JUP: variants seen among roughly 807,000 people sequenced by gnomAD.
JUP encodes junction plakoglobin.
A neutral mutation model predicts 71.1 loss-of-function variants in JUP; 28 were observed. That is an observed-to-expected ratio of 0.39 (90% CI 0.29 to 0.54). The LOEUF is 0.54. JUP is among the 20% of genes least tolerant of loss of function. The pLI, the probability that JUP is intolerant of heterozygous loss-of-function variation, is 0.62. For missense variants in JUP, 869 were observed against 1,030.1 expected (o/e 0.84, Z 2.14); for synonymous variants, 401 against 438.9 (o/e 0.91, Z 1.08).
chr17:41,760,868 A>G (rs1914700437), intron 8 of JUP, among the ~76,000 whole-genome samples: 1 of 152,184 alleles, frequency 6.6e-6, no homozygotes, highest in South Asian at 2.1e-4. Context: ...GCCTGTCTGT[A>G]CTATTAAATT....
At chr17:41,784,385 C>T (rs35569264) in intron 1 of JUP, among the ~76,000 whole-genome samples, 6,278 of 152,118 alleles carry the variant, frequency 0.041, 238 homozygotes, top group East Asian at 0.19. Flanking sequence ...CTAACTGGGT[C>T]CTACCTTCTC....
chr17:41,778,597 C>T (rs1377089926), intron 1 of JUP, among the ~76,000 whole-genome samples: 3 of 151,244 alleles, frequency 2.0e-5, no homozygotes, highest in African/African-American at 7.3e-5. Context: ...GGGATGAGCT[C>T]ATCAAGATCA....
At chr17:41,773,527 G>A (rs1288623374) in intron 1 of JUP, among the ~76,000 whole-genome samples, 1 of 152,188 alleles carries the variant, frequency 6.6e-6, no homozygotes, top group East Asian at 1.9e-4. Context: ...GACAGGCTCG[G>A]GCCGCCAGAT....
At chr17:41,764,541 A>G (rs1293670678) in intron 7 of JUP, among the ~76,000 whole-genome samples, 172 bp downstream of exon 7, 9 of 149,462 alleles carry the variant, frequency 6.0e-5, no homozygotes, top group South Asian at 2.1e-4. Context: ...TCAGAAAAAA[A>G]AAAAAAAAAA....
chr17:41,776,091 G>T, intron 1 of JUP: 2 of 577,786 alleles, frequency 3.5e-6, no homozygotes, highest in Non-Finnish European at 4.4e-6. Flanking sequence ...GGACAGGAGT[G>T]GGTTACCCCA....
intron 1 of JUP, among the ~76,000 whole-genome samples, chr17:41,777,196 TG>T (rs2046926481): frequency 6.6e-6 from 1 of 151,426 alleles, no homozygotes; most frequent in South Asian, 2.1e-4. Context: ...AGAAGGGGAG[TG>T]GAACTTCGCT....
intron 1 of JUP, among the ~76,000 whole-genome samples, chr17:41,775,738 C>G (rs1392794623): frequency 1.3e-5 from 2 of 152,196 alleles, no homozygotes; most frequent in Non-Finnish European, 2.9e-5. Context: ...AGGGACAGCC[C>G]AAGGACAGGA....
rs561653700 is a variant in JUP, at chr17:41,768,960, G to C, written c.707+9C>G. The C allele has an allele frequency of 3.8e-6, 6 of 1,595,524 alleles. No individual in the cohort carries two copies. The East Asian group carries it at 9.0e-5, about 24-fold the overall frequency. On this transcript the variant is annotated intron_variant, in intron 4 of 13. Coordinates refer to ENST00000393931, the MANE Select transcript of JUP (RefSeq NM_002230.4). ...GTCCTGGGCTCATGCAGTGAGCAGG[G>C]TTGGGTACCTGAGCATGCGGACCAG...
At chr17:41,780,838 A>G (rs1362459965) in intron 1 of JUP, among the ~76,000 whole-genome samples, 1 of 152,096 alleles carries the variant, frequency 6.6e-6, no homozygotes, top group Non-Finnish European at 1.5e-5. Flanking sequence ...TGAGGTCAGG[A>G]GTTCAAGACC....
At chr17:41,755,962 G>T in intron 13 of JUP, 67 bp from the exon 14 acceptor site, 1 of 1,548,024 alleles carries the variant, frequency 6.5e-7, no homozygotes. Context: ...AGTCTGCACA[G>T]CCTTCAGCTG....
chr17:41,759,886 A>T (rs1361330162), intron 8 of JUP, among the ~76,000 whole-genome samples: 1 of 151,150 alleles, frequency 6.6e-6, no homozygotes, highest in Non-Finnish European at 1.5e-5. Flanking sequence ...TCACAATGAC[A>T]TTTTTTTTTC....
In JUP at chr17:41,757,680, G is replaced by A. The variant is rs1555598914; in HGVS notation, c.1878C>T (p.Ala626=). 6.2e-7 allele frequency: 1 copy of A among 1,613,596 alleles called. No homozygotes were observed. The highest frequency in any genetic ancestry group is 1.7e-5 in the Admixed American group (1 of 59,962). ...GCAGCAACTCCATGAGTGGGGCCGAGGCCCCCTCTGCATCAATGGCGTCGG... is the reference window on the plus strand; with the variant it reads ...GCAGCAACTCCATGAGTGGGGCCGAAGCCCCCTCTGCATCAATGGCGTCGG... ...EAADAIDAEG[A]SAPLMELLHS... Residue 626 remains alanine (A), a synonymous_variant, in exon 11 of 14, where the codon GCC becomes GCT. Transcript: ENST00000393931.
chr17:41,772,088 CTGTG>C, intron 1 of JUP: 3 of 632,070 alleles, frequency 4.7e-6, no homozygotes. Flanking sequence ...AGGGGTGCGG[CTGTG>C]TGTATGTCCT....
Position 41,763,127 on chromosome 17 carries a change from G to T in JUP, c.1353C>A (p.Ile451=). 6.2e-7 allele frequency: 1 copy of T among 1,614,236 alleles called. No individual in the cohort carries two copies. Among genetic ancestry groups the T allele is most frequent in the Non-Finnish European group, 8.5e-7 (1 of 1,180,046 alleles). The change falls in exon 8 of 14, where the codon ATC becomes ATA. Residue 451 remains isoleucine, a synonymous_variant. Coordinates refer to ENST00000393931, the MANE Select transcript of JUP (RefSeq NM_002230.4). ...AILRAGDKDD[I]TEPAVCALRH... Reference sequence around the variant, plus strand: ...GCAGAGCGCAGACGGCAGGCTCCGTGATGTCGTCCTTGTCACCAGCACGCA... The same window carrying T: ...GCAGAGCGCAGACGGCAGGCTCCGTTATGTCGTCCTTGTCACCAGCACGCA...
Position 41,784,405 on chromosome 17 carries a change from C to A in JUP, c.-9+2183G>T, listed in dbSNP as rs113572107. Among the ~76,000 whole-genome samples the A allele has an allele frequency of 6.6e-3, 1,002 of 152,254 alleles. 20 individuals carry two copies. The highest frequency in any genetic ancestry group is 0.023 in the African/African-American group (957 of 41,546). ...TGGGTCCTACCTTCTCCTCCTCCCCCGCATCCCCCAGTCCAGTCAGTGGCC... is the reference window on the plus strand; with the variant it reads ...TGGGTCCTACCTTCTCCTCCTCCCCAGCATCCCCCAGTCCAGTCAGTGGCC... On this transcript the variant is annotated intron_variant, in intron 1 of 13. Transcript: ENST00000393931.
chr17:41,760,236 G>GT (rs761170665), intron 8 of JUP, among the ~76,000 whole-genome samples: 3 of 151,196 alleles, frequency 2.0e-5, no homozygotes, highest in African/African-American at 2.4e-5. Flanking sequence ...TCTGCACTGG[G>GT]TTTTTTTTGT....
chr17:41,764,403 C>T lies in JUP; in HGVS notation c.1158+310G>A, dbSNP rs146254364. Among the ~76,000 whole-genome samples, 2,341 of 152,118 alleles carry T rather than the reference C, an allele frequency of 0.015. 33 individuals are homozygous for T. The highest frequency in any genetic ancestry group is 0.021 in the Non-Finnish European group (1,399 of 68,000). ...TACAAAAATTAGCCAGACATGATGG[C>T]AGGTGCCTGTAGTCCCAACTACTCG... On this transcript the variant is annotated intron_variant, in intron 7 of 13. Coordinates refer to ENST00000393931, the MANE Select transcript of JUP (RefSeq NM_002230.4).
intron 5 of JUP, among the ~76,000 whole-genome samples, chr17:41,766,718 G>C (rs1915766233): frequency 6.6e-6 from 1 of 152,098 alleles, no homozygotes; most frequent in African/African-American, 2.4e-5. Flanking sequence ...AGCTGGGTGT[G>C]GTGGCGGGCA....
chr17:41,770,067 C>T (rs1916413600), intron 2 of JUP, among the ~76,000 whole-genome samples: 1 of 152,066 alleles, frequency 6.6e-6, no homozygotes, highest in Non-Finnish European at 1.5e-5. Context: ...TATAAGGCAG[C>T]CTGACTCAGG....
Sources: allele counts gnomAD v4.1 joint callset (sites outside exome capture counted in the v4.1 genomes callset), GRCh38; gene constraint gnomAD v4.1.1; transcripts MANE v1.5; gene names NCBI Gene and HGNC (gene_info 2026-07-23, HGNC 2026-07-21).